Variants in CTNNA3 observed in about 807,000 individuals in gnomAD.
CTNNA3 encodes the protein catenin alpha 3, also known as catenin alpha-3.
A neutral mutation model predicts 95.7 loss-of-function variants in CTNNA3; 76 were observed. The ratio of observed to expected loss-of-function variants is 0.79; its 90% CI spans 0.66 to 0.96. The LOEUF (loss-of-function observed/expected upper bound fraction) is 0.96, where lower values mean the gene tolerates loss of function less well. Ranked by LOEUF, CTNNA3 falls within the 40% of genes least tolerant of loss-of-function variation. The pLI is 0.00. For synonymous variants in CTNNA3, 431 were observed against 374.4 expected, an observed-to-expected ratio of 1.15 and a Z score of -1.74; for missense variants, 1,191 against 1,089.8, an observed-to-expected ratio of 1.09 and a Z score of -1.31.
intron 3 of CTNNA3, among the ~76,000 whole-genome samples, chr10:67,540,758 A>G (rs1438187975): frequency 6.6e-6 from 1 of 151,992 alleles, no homozygotes; most frequent in Non-Finnish European, 1.5e-5. Flanking sequence ...AGCAAGTAGT[A>G]TCCTACTAGA....
At chr10:65,952,069 T>C (rs2493895) in intron 17 of CTNNA3, among the ~76,000 whole-genome samples, 1 of 151,742 alleles carries the variant, frequency 6.6e-6, no homozygotes, top group Non-Finnish European at 1.5e-5. Context: ...TATTTCATTG[T>C]TTATAAAATG....
intron 5 of CTNNA3, among the ~76,000 whole-genome samples, chr10:67,433,145 C>T (rs1846172092): frequency 6.6e-6 from 1 of 152,004 alleles, no homozygotes; most frequent in Non-Finnish European, 1.5e-5. Flanking sequence ...TGCAACTCTT[C>T]CTTTCATTTG....
intron 7 of CTNNA3, chr10:67,054,992 T>C (rs1442224545): frequency 1.3e-5 from 2 of 151,718 alleles, no homozygotes; most frequent in Non-Finnish European, 3.0e-5. Flanking sequence ...AAAATCTTAA[T>C]TAAAAATAAA....
chr10:66,161,664 T>C (rs2084853722), intron 13 of CTNNA3, among the ~76,000 whole-genome samples: 1 of 152,244 alleles, frequency 6.6e-6, no homozygotes, highest in Admixed American at 6.5e-5. Flanking sequence ...TATAGCCTGA[T>C]GACAATGTGC....
At chr10:66,443,532 G>A (rs1045294254) in intron 11 of CTNNA3, among the ~76,000 whole-genome samples, 3 of 152,140 alleles carry the variant, frequency 2.0e-5, no homozygotes, top group Non-Finnish European at 4.4e-5. Flanking sequence ...CTGCTGTTCT[G>A]CAGCCACCAC....
intron 11 of CTNNA3, among the ~76,000 whole-genome samples, chr10:66,420,826 TAAATAAATAAATA>T (rs141876699): frequency 0.23 from 30,186 of 129,542 alleles, 3,413 homozygotes; most frequent in South Asian, 0.35. Context: ...AATAAATAAA[TAAATAAATAAATA>T]AAAAACAATA....
At chr10:65,964,414 A>T (rs1391689720) in intron 17 of CTNNA3, among the ~76,000 whole-genome samples, 6 of 152,212 alleles carry the variant, frequency 3.9e-5, no homozygotes, top group African/African-American at 1.4e-4. Context: ...TCCTCATTTT[A>T]TATAATGACT....
rs565618516 is a variant in CTNNA3 at position 66,323,739 on chromosome 10, G to A, written c.1733-43118C>T. On this transcript the variant is annotated intron_variant, in intron 12 of 17. Transcript: ENST00000433211. Reference sequence around the variant, plus strand: ...CCTGGACACCCGTGGCCCTAAATGAGAACAGGCATTTCTGTTTTCTCTCCC... The same window carrying A: ...CCTGGACACCCGTGGCCCTAAATGAAAACAGGCATTTCTGTTTTCTCTCCC... Among the ~76,000 whole-genome samples, 5 of 151,812 alleles carry A rather than the reference G, an allele frequency of 3.3e-5. No homozygotes were observed. In the South Asian group the frequency reaches 8.3e-4, roughly 25 times the overall value.
chr10:66,070,860 A>G (rs1237021486), intron 14 of CTNNA3, among the ~76,000 whole-genome samples: 1 of 152,138 alleles, frequency 6.6e-6, no homozygotes, highest in Non-Finnish European at 1.5e-5. Context: ...CTCCTTAATA[A>G]CATCTCAACT....
At chr10:66,100,644 C>A (rs1341473671) in intron 14 of CTNNA3, among the ~76,000 whole-genome samples, 2 of 152,204 alleles carry the variant, frequency 1.3e-5, no homozygotes, top group South Asian at 4.1e-4. Context: ...GAAGCAGTGG[C>A]TTCTATGAAA....
chr10:66,115,894 C>T (rs530563574), intron 13 of CTNNA3, among the ~76,000 whole-genome samples: 6 of 152,130 alleles, frequency 3.9e-5, no homozygotes, highest in South Asian at 2.1e-4. Flanking sequence ...GGTGTTGCTC[C>T]ATAAGACAGT....
Position 66,103,196 on chromosome 10 carries a change from G to A in CTNNA3, c.1938C>T (p.Arg646=). The part of the protein sequence containing the change: ...VSDLEEEHEV[R]SHTSIQTEGK... Reference sequence around the variant, plus strand: ...CTTCGGTCTGAATGCTGGTGTGACTGCGGACCTCGTGTTCCTCTTCAAGGT... The same window carrying A: ...CTTCGGTCTGAATGCTGGTGTGACTACGGACCTCGTGTTCCTCTTCAAGGT... The change falls in exon 14 of 18, where the codon CGC becomes CGT. Residue 646 remains arginine (R), a synonymous_variant. Transcript: ENST00000433211. 2 of 1,614,120 alleles carry A rather than the reference G, an allele frequency of 1.2e-6. No individual in the cohort carries two copies. Among genetic ancestry groups the A allele is most frequent in the Non-Finnish European group, 1.7e-6 (2 of 1,179,992 alleles).
At chr10:66,212,524 G>A (rs2088235209) in intron 13 of CTNNA3, among the ~76,000 whole-genome samples, 1 of 152,006 alleles carries the variant, frequency 6.6e-6, no homozygotes, top group Non-Finnish European at 1.5e-5. Flanking sequence ...ATATTTCGGA[G>A]TTGTGTTTCT....
At chr10:66,479,944 A>G (rs562487569) in intron 11 of CTNNA3, among the ~76,000 whole-genome samples, 1 of 128,400 alleles carries the variant, frequency 7.8e-6, no homozygotes, top group Non-Finnish European at 1.7e-5. Context: ...AAAAATACCA[A>G]AGCATTCACA....
intron 5 of CTNNA3, among the ~76,000 whole-genome samples, chr10:67,353,318 G>C (rs1271331121): frequency 6.6e-6 from 1 of 151,978 alleles, no homozygotes; most frequent in Non-Finnish European, 1.5e-5. Context: ...CAAAAAGAGA[G>C]AGAGAAGAAG....
At chr10:66,516,749 A>G (rs558795448) in intron 11 of CTNNA3, among the ~76,000 whole-genome samples, 28 of 152,300 alleles carry the variant, frequency 1.8e-4, no homozygotes, top group African/African-American at 6.7e-4. Context: ...GTTTTGACCT[A>G]TGACAAGTAA....
Position 66,356,117 on chromosome 10 carries a change from G to GTTT in CTNNA3, c.1732+23032_1732+23034dup, listed in dbSNP as rs1275052192. On this transcript the variant is annotated intron_variant, in intron 12 of 17. Transcript: ENST00000433211. ...GTGGATGCTCCAAATTTGTTTGCTT[G>GTTT]TTTTGTTTTTTTTTTTTTTTTTTTG... Among the ~76,000 whole-genome samples the GTTT allele has an allele frequency of 1.1e-4, 12 of 104,728 alleles. No individual in the cohort carries two copies. In the East Asian group the frequency reaches 1.3e-3, roughly 11 times the overall value. The allele number at this position is 104,728 out of a possible 152,430, so 68.7% of individuals were successfully genotyped here.
chr10:67,620,952 C>T (rs55890167), intron 2 of CTNNA3, among the ~76,000 whole-genome samples: 15,140 of 118,338 alleles, frequency 0.13, 1,061 homozygotes, highest in Non-Finnish European at 0.17. Context: ...TATATATATA[C>T]AGAAATGTGG....
intron 13 of CTNNA3, among the ~76,000 whole-genome samples, chr10:66,159,523 A>ATTGT (rs1209867100): frequency 1.3e-5 from 2 of 151,244 alleles, no homozygotes; most frequent in African/African-American, 4.9e-5. Context: ...ATCATGGTAG[A>ATTGT]TTATCTTTTT....
Sources: gnomAD v4.1 joint callset for allele counts (sites outside exome capture counted in the v4.1 genomes callset) on GRCh38, gnomAD v4.1.1 for gene constraint, MANE v1.5 for transcripts, NCBI Gene and HGNC (gene_info 2026-07-23, HGNC 2026-07-21) for gene names.